The following C20orf203 variants were observed in gnomAD, a reference collection of about 807,000 sequenced individuals.
C20orf203 encodes the protein uncharacterized protein C20orf203.
C20orf203 carries 16 observed loss-of-function variants against 15.9 expected under a neutral mutation model. The observed-to-expected ratio is 1.01, with a 90% confidence interval of 0.68 to 1.53. The LOEUF (loss-of-function observed/expected upper bound fraction) is 1.53, where lower values mean the gene tolerates loss of function less well. Among genes scored for constraint, C20orf203 ranks in the 40% most tolerant of loss-of-function variants. The pLI is 0.00. For missense variants in C20orf203, 263 were observed against 247.5 expected (o/e 1.06, Z -0.42); for synonymous variants, 98 against 97.2 (o/e 1.01, Z -0.05).
rs1366159823 is a variant in C20orf203, at chr20:32,649,895, C to G, written c.*537G>C. On this transcript the variant is annotated 3_prime_UTR_variant, in exon 4 of 6. Transcript: ENST00000608990. ...AGCAGGCCTCAGCCCGCCCCGCTCC[C>G]TTGGCCCACAGCTTGGACTGGGCCT... 1 of 154,152 alleles carries G rather than the reference C, an allele frequency of 6.5e-6. No individual in the cohort carries two copies. The highest frequency in any genetic ancestry group is 1.4e-5 in the Non-Finnish European group (1 of 69,288). The allele number at this position is 154,152 out of a possible 1,614,324, so 9.5% of individuals were successfully genotyped here.
intron 1 of C20orf203, among the ~76,000 whole-genome samples, chr20:32,663,087 T>C (rs577925677): frequency 6.6e-6 from 1 of 151,854 alleles, no homozygotes; most frequent in African/African-American, 2.4e-5. Context: ...TAGATGGGAT[T>C]ATAGGCGCCC....
At chr20:32,656,017 G>A (rs902254157) in intron 1 of C20orf203, among the ~76,000 whole-genome samples, 5 of 152,140 alleles carry the variant, frequency 3.3e-5, no homozygotes, top group Admixed American at 6.5e-5. Flanking sequence ...GAAGGAGGCT[G>A]GCAGTGCCCA....
Position 32,651,115 on chromosome 20 carries a change from G to T in C20orf203, c.38C>A (p.Ala13Glu). The T allele has an allele frequency of 1.5e-6, 2 of 1,311,944 alleles. No homozygotes were observed. Among genetic ancestry groups the T allele is most frequent in the South Asian group, 2.7e-5 (2 of 73,366 alleles). 81.3% of individuals were successfully genotyped at this position (1,311,944 alleles called of 1,614,324 possible). ...PRPVLNSRAQAILLPQPPNML... is the reference protein window; with the variant it reads ...PRPVLNSRAQEILLPQPPNML... ...GTTGGGAGGCTGAGGCAGGAGAATC[G>T]CTTGAGCCCGGGAGTTCAAGACAGG... The change falls in exon 3 of 6, where the codon GCG becomes GAG. Residue 13 changes from alanine to glutamate, a missense_variant. Transcript: ENST00000608990.
chr20:32,671,932 G>C (rs1983179075), intron 1 of C20orf203, among the ~76,000 whole-genome samples: 1 of 151,682 alleles, frequency 6.6e-6, no homozygotes, highest in African/African-American at 2.4e-5. Flanking sequence ...CTGTTCAATG[G>C]GTATAGAGTT....
chr20:32,631,908 C>G lies in C20orf203; in HGVS notation c.*3662G>C, dbSNP rs564785836. The G allele has an allele frequency of 6.6e-6, 1 of 152,372 alleles. No individual in the cohort carries two copies. The highest frequency in any genetic ancestry group is 1.9e-4 in the East Asian group (1 of 5,182). 9.4% of individuals were successfully genotyped at this position (152,372 alleles called of 1,614,324 possible). On this transcript the variant is annotated 3_prime_UTR_variant, in exon 6 of 6. Transcript: ENST00000608990. The stretch of plus-strand genomic sequence containing the variant: ...GGCCAGAGCCAGAGAGAGCTGGTTT[C>G]CACAGCAGCAGTAGCATACGCAGGT...
intron 4 of C20orf203, among the ~76,000 whole-genome samples, chr20:32,648,226 C>G (rs1982489985): frequency 6.6e-6 from 1 of 151,964 alleles, no homozygotes; most frequent in Non-Finnish European, 1.5e-5. Flanking sequence ...CCTCAAACAG[C>G]CTAAGCCCAT....
intron 4 of C20orf203, among the ~76,000 whole-genome samples, chr20:32,644,051 G>A (rs1982357718): frequency 6.6e-6 from 1 of 152,178 alleles, no homozygotes; most frequent in Non-Finnish European, 1.5e-5. Context: ...ACTGGCCCAG[G>A]TCCCTTTCTA....
chr20:32,650,668 G>C lies in C20orf203; in HGVS notation c.349C>G (p.Arg117Gly), dbSNP rs778706898. 470 of 1,546,230 alleles carry C rather than the reference G, an allele frequency of 3.0e-4. 1 individual carries two copies. The highest frequency in any genetic ancestry group is 3.6e-4 in the Non-Finnish European group (408 of 1,145,424). Residue 117 changes from arginine (R) to glycine (G), a missense_variant, in exon 4 of 6, where the codon CGG (arginine) becomes GGG (glycine). Arg to Gly is a moderately radical substitution (Grantham distance 125, BLOSUM62 -2). Transcript: ENST00000608990. ...CCCCTCCCCACTTCCCTATCTCTCC[G>C]ACCCACCTTGCTGAGCCTGAGGCCT... ...VGGLRLSKVGRRDREVGRGLR... is the reference protein window; with the variant it reads ...VGGLRLSKVGGRDREVGRGLR...
chr20:32,671,529 T>C (rs1181585746), intron 1 of C20orf203, among the ~76,000 whole-genome samples: 1 of 151,298 alleles, frequency 6.6e-6, no homozygotes, highest in African/African-American at 2.4e-5. Context: ...AAATTTTAAG[T>C]AGAAAAAAGA....
At chr20:32,658,164 C>A (rs2145677114) in intron 1 of C20orf203, among the ~76,000 whole-genome samples, 1 of 152,146 alleles carries the variant, frequency 6.6e-6, no homozygotes, top group East Asian at 1.9e-4. Flanking sequence ...CGGTGAAACC[C>A]CAACTCTACC....
intron 1 of C20orf203, among the ~76,000 whole-genome samples, chr20:32,669,525 C>G (rs1259734411): frequency 6.6e-6 from 1 of 152,148 alleles, no homozygotes; most frequent in Non-Finnish European, 1.5e-5. Context: ...TCTGGGGAAC[C>G]TGCAAAGGAC....
intron 4 of C20orf203, among the ~76,000 whole-genome samples, chr20:32,648,383 C>T (rs1249822184): frequency 2.0e-5 from 3 of 151,322 alleles, no homozygotes; most frequent in African/African-American, 7.3e-5. Context: ...CTGTCTCTTG[C>T]CCCTGATTGT....
chr20:32,661,322 G>T (rs1055744489), intron 1 of C20orf203, among the ~76,000 whole-genome samples: 5 of 152,164 alleles, frequency 3.3e-5, no homozygotes, highest in Non-Finnish European at 5.9e-5. Context: ...GGGCAGAATG[G>T]AAAGGGAAAC....
chr20:32,658,442 AC>A (rs139705256), intron 1 of C20orf203, among the ~76,000 whole-genome samples: 3,284 of 152,066 alleles, frequency 0.022, 130 homozygotes, highest in African/African-American at 0.074. Flanking sequence ...GATGTACACT[AC>A]CATGCCCAGC....
At chr20:32,670,990 C>T (rs2145684439) in intron 1 of C20orf203, among the ~76,000 whole-genome samples, 1 of 148,744 alleles carries the variant, frequency 6.7e-6, no homozygotes, top group South Asian at 2.2e-4. Context: ...CATCAACTTA[C>T]ACCTGTTAGA....
At chr20:32,638,014 TTGTG>T (rs149169520) in intron 5 of C20orf203, among the ~76,000 whole-genome samples, 3 of 149,882 alleles carry the variant, frequency 2.0e-5, no homozygotes, top group Non-Finnish European at 3.0e-5. Flanking sequence ...GCATGTGTGC[TTGTG>T]TGTGTGTGTG....
chr20:32,662,839 C>T lies in C20orf203; in HGVS notation c.-264+10793G>A, dbSNP rs145468247. ...TCAAGGCCGCACTGAGCTATGATCG[C>T]GCCACTGCACTTTAGCTTGGGTGAC... On this transcript the variant is annotated intron_variant, in intron 1 of 5. Coordinates refer to ENST00000608990, the MANE Select transcript of C20orf203 (RefSeq NM_182584.4). Among the ~76,000 whole-genome samples, 568 of 147,324 alleles carry T rather than the reference C, an allele frequency of 3.9e-3. 4 individuals carry two copies. Among genetic ancestry groups the T allele is most frequent in the African/African-American group, 0.013 (507 of 39,386 alleles).
chr20:32,658,547 C>A (rs1982816229), intron 1 of C20orf203, among the ~76,000 whole-genome samples: 1 of 152,164 alleles, frequency 6.6e-6, no homozygotes, highest in Non-Finnish European at 1.5e-5. Flanking sequence ...CCCACCTCAG[C>A]CTCCCAAAGG....
In C20orf203 at chr20:32,650,822, T is replaced by G. The variant is rs1329877032; in HGVS notation, c.195A>C (p.Gly65=). 1.4e-6 allele frequency: 2 copies of G among 1,476,990 alleles called. No individual in the cohort carries two copies. The highest frequency in any genetic ancestry group is 1.4e-5 in the African/African-American group (1 of 70,956). The allele number at this position is 1,476,990 out of a possible 1,614,324, so 91.5% of individuals were successfully genotyped here. ...AHLWDLGGGA[G]RRTSKAQRVH... ...CTCGCTGAGCCTTTGAGGTCCTCCT[T>G]CCCGCCCCACCGCCAAGGTCCCAGA... The change falls in exon 4 of 6, where the codon GGA becomes GGC. Residue 65 remains glycine (G), a synonymous_variant. Transcript: ENST00000608990.
Sources: allele counts gnomAD v4.1 joint callset (sites outside exome capture counted in the v4.1 genomes callset), GRCh38; gene constraint gnomAD v4.1.1; transcripts MANE v1.5; gene names NCBI Gene and HGNC (gene_info 2026-07-23, HGNC 2026-07-21).